The following XAF1 variants were observed in gnomAD, a reference collection of about 807,000 sequenced individuals.
XAF1 encodes XIAP-associated factor 1.
Under a neutral mutation model 32.3 loss-of-function variants are expected in XAF1, and 32 were observed. The ratio of observed to expected loss-of-function variants is 0.99; its 90% CI spans 0.75 to 1.33. The LOEUF is 1.33. Among genes scored for constraint, XAF1 ranks in the 40% most tolerant of loss-of-function variants. The pLI, the probability that XAF1 is intolerant of heterozygous loss-of-function variation, is 0.00. For synonymous variants in XAF1, 120 were observed against 125.9 expected (o/e 0.95, Z 0.31); for missense variants, 379 against 366.0 (o/e 1.04, Z -0.29).
At chr17:6,760,746 C>A in intron 4 of XAF1, 145 bp downstream of exon 4, 1 of 916,550 alleles carries the variant, frequency 1.1e-6, no homozygotes, top group Non-Finnish European at 1.6e-6. Context: ...TATTCTAATT[C>A]TAAACCATGC....
At chr17:6,768,084 A>G (rs1042496090) in intron 5 of XAF1, among the ~76,000 whole-genome samples, 1 of 151,042 alleles carries the variant, frequency 6.6e-6, no homozygotes, top group Non-Finnish European at 1.5e-5. Context: ...GCCTGTTTAG[A>G]TATACTCACA....
chr17:6,773,495 T>C lies in XAF1; in HGVS notation c.*326T>C, dbSNP rs535517978. ...ATGAGCAAAAGCTGGAGCATTACTC[T>C]TGAGAAGTAGAACAAGGCACTTCAG... On this transcript the variant is annotated 3_prime_UTR_variant, in exon 7 of 7. Coordinates refer to ENST00000361842, the MANE Select transcript of XAF1 (RefSeq NM_017523.5). 8.0e-4 allele frequency: 206 copies of C among 258,812 alleles called. 1 individual carries two copies. The highest frequency in any genetic ancestry group is 4.6e-3 in the African/African-American group (199 of 43,372). 16.0% of individuals were successfully genotyped at this position (258,812 alleles called of 1,614,324 possible).
chr17:6,760,357 A>AAT, intron 3 of XAF1, 49 bp from the exon 4 acceptor site: 1 of 1,489,828 alleles, frequency 6.7e-7, no homozygotes. Context: ...CAAAAAAAAA[A>AAT]AAAAAAAAAA....
chr17:6,764,047 A>G (rs1224608462), intron 5 of XAF1, among the ~76,000 whole-genome samples: 1 of 152,342 alleles, frequency 6.6e-6, no homozygotes, highest in Non-Finnish European at 1.5e-5. Context: ...TTTGAAGGCT[A>G]CAGGGAAGTG....
intron 2 of XAF1, 54 bp downstream of exon 2, chr17:6,758,278 C>T: frequency 6.3e-7 from 1 of 1,599,036 alleles, no homozygotes; most frequent in Non-Finnish European, 8.5e-7. Flanking sequence ...GTGTTCAGTC[C>T]TCCCTGCAGG....
At chr17:6,767,508 C>T (rs1160376897) in intron 5 of XAF1, among the ~76,000 whole-genome samples, 5 of 152,264 alleles carry the variant, frequency 3.3e-5, no homozygotes, top group East Asian at 3.9e-4. Flanking sequence ...GCTGTTAACA[C>T]GTGGAAATCA....
At chr17:6,768,738 C>T (rs977178196) in intron 5 of XAF1, among the ~76,000 whole-genome samples, 6 of 152,126 alleles carry the variant, frequency 3.9e-5, no homozygotes, top group African/African-American at 7.2e-5. Context: ...TTCCTTTGTA[C>T]GTAATCTTTA....
intron 5 of XAF1, among the ~76,000 whole-genome samples, chr17:6,766,657 A>G (rs1204316817): frequency 6.6e-6 from 1 of 152,156 alleles, no homozygotes; most frequent in South Asian, 2.1e-4. Flanking sequence ...ATGAATTGTG[A>G]TTATGTGTTC....
rs1442550006 is a variant in XAF1 at position 6,760,722 on chromosome 17, T to C, written c.421+121T>C. Reference sequence around the variant, plus strand: ...GACAAGTGTATTTGCTGTATAGATCTCAATTCATCTGGCTATTCTAATTCT... The same window carrying C: ...GACAAGTGTATTTGCTGTATAGATCCCAATTCATCTGGCTATTCTAATTCT... On this transcript the variant is annotated intron_variant, in intron 4 of 6. Coordinates refer to ENST00000361842, the MANE Select transcript of XAF1 (RefSeq NM_017523.5). 3.0e-6 allele frequency: 3 copies of C among 1,011,010 alleles called. No homozygotes were observed. In the Admixed American group the frequency reaches 8.4e-5, roughly 28 times the overall value. 62.6% of individuals were successfully genotyped at this position (1,011,010 alleles called of 1,614,324 possible).
Position 6,759,673 on chromosome 17 carries a change from G to T in XAF1, c.180G>T (p.Thr60=), listed in dbSNP as rs755459370. 6.2e-6 allele frequency: 10 copies of T among 1,613,384 alleles called. No individual in the cohort carries two copies. The South Asian group carries it at 9.9e-5, about 16-fold the overall frequency. Residue 60 remains threonine (T), a synonymous_variant, in exon 3 of 7, where the codon ACG becomes ACT. Coordinates refer to ENST00000361842, the MANE Select transcript of XAF1 (RefSeq NM_017523.5). ...CKLEHQQVGC[T]MCQQSMQKSS... ...GTGTGTGTGTTTAGGTTGGGTGTAC[G>T]ATGTGTCAGCAGAGCATGCAGAAGT...
At chr17:6,772,247 G>A (rs1976087405) in intron 6 of XAF1, among the ~76,000 whole-genome samples, 1 of 151,948 alleles carries the variant, frequency 6.6e-6, no homozygotes, top group African/African-American at 2.4e-5. Context: ...TAAAAATACA[G>A]GACATTCAGT....
chr17:6,761,772 G>A, intron 4 of XAF1: 1 of 1,184,778 alleles, frequency 8.4e-7, no homozygotes, highest in Non-Finnish European at 1.1e-6. Flanking sequence ...CAACAAAAAT[G>A]TGTTCAACCA....
At chr17:6,755,958 C>G, upstream of XAF1, 1 of 1,582,918 alleles carries the variant, frequency 6.3e-7, no homozygotes, top group African/African-American at 1.4e-5. Flanking sequence ...ACTCCTGAGC[C>G]GAGAATTCTG....
chr17:6,755,957 C>A, upstream of XAF1: 1 of 1,580,772 alleles, frequency 6.3e-7, no homozygotes, highest in East Asian at 2.3e-5. Context: ...AACTCCTGAG[C>A]CGAGAATTCT....
intron 2 of XAF1, 159 bp from the exon 3 acceptor site, chr17:6,759,503 G>A (rs1156821513): frequency 2.0e-6 from 3 of 1,473,976 alleles, no homozygotes; most frequent in East Asian, 2.5e-5. Context: ...TGGGCGGGGT[G>A]CTAGAGAGAC....
At chr17:6,769,158 T>C (rs1226511199) in intron 5 of XAF1, among the ~76,000 whole-genome samples, 1 of 152,148 alleles carries the variant, frequency 6.6e-6, no homozygotes, top group Non-Finnish European at 1.5e-5. Flanking sequence ...CCTGAAATTA[T>C]CTCCAAGTTC....
intron 1 of XAF1, among the ~76,000 whole-genome samples, chr17:6,756,983 TTTC>T (rs200196771): frequency 1.5e-5 from 2 of 131,848 alleles, no homozygotes; most frequent in African/African-American, 3.7e-5. Flanking sequence ...CATTTCTTTC[TTTC>T]TTCTTCTTTT....
At chr17:6,760,945 G>A (rs1261416342) in intron 4 of XAF1, among the ~76,000 whole-genome samples, 3 of 152,104 alleles carry the variant, frequency 2.0e-5, no homozygotes, top group Non-Finnish European at 2.9e-5. Context: ...ACCTGAGGTT[G>A]GGAGTTCGAG....
At chr17:6,760,720 T>G (rs994257195) in intron 4 of XAF1, 119 bp downstream of exon 4, 1 of 1,008,380 alleles carries the variant, frequency 9.9e-7, no homozygotes, top group African/African-American at 1.6e-5. Flanking sequence ...GCTGTATAGA[T>G]CTCAATTCAT....
Sources: gnomAD v4.1 joint callset for allele counts (sites outside exome capture counted in the v4.1 genomes callset) on GRCh38, gnomAD v4.1.1 for gene constraint, MANE v1.5 for transcripts, NCBI Gene and HGNC (gene_info 2026-07-23, HGNC 2026-07-21) for gene names.